ITIH5: variants seen among roughly 807,000 people sequenced by gnomAD.
ITIH5 encodes inter-alpha-trypsin inhibitor heavy chain H5.
Under a neutral mutation model 77.5 loss-of-function variants are expected in ITIH5, and 65 were observed. That is an observed-to-expected ratio of 0.84 (90% CI 0.69 to 1.03). The LOEUF is 1.03. Ranked by LOEUF, ITIH5 falls within the 50% of genes least tolerant of loss-of-function variation. ITIH5 has a pLI of 0.00. For missense variants in ITIH5, 1,208 were observed against 1,213.1 expected (o/e 1.00, Z 0.06); for synonymous variants, 525 against 494.3 (o/e 1.06, Z -0.82).
Position 7,628,467 on chromosome 10 carries a change from C to T in ITIH5, c.652+8761G>A, listed in dbSNP as rs1163837401. 3.9e-5 allele frequency among the ~76,000 whole-genome samples: 6 copies of T among 152,056 alleles called. No individual in the cohort carries two copies. In the South Asian group the frequency reaches 6.2e-4, roughly 16 times the overall value. On this transcript the variant is annotated intron_variant, in intron 5 of 13. Coordinates refer to ENST00000397146, the MANE Select transcript of ITIH5 (RefSeq NM_030569.7). Reference sequence around the variant, plus strand: ...ATGTGTCCGTGTTGTGGCCTGTATCCGTGCTGCGGCATGTGTCTGTGTTAT... The same window carrying T: ...ATGTGTCCGTGTTGTGGCCTGTATCTGTGCTGCGGCATGTGTCTGTGTTAT...
intron 5 of ITIH5, among the ~76,000 whole-genome samples, chr10:7,627,586 T>C (rs1833605132): frequency 6.6e-6 from 1 of 152,154 alleles, no homozygotes. Flanking sequence ...TATTTGAAGA[T>C]TGGCATTTTA....
chr10:7,589,458 C>CA lies in ITIH5; in HGVS notation c.940-3390dup, dbSNP rs919217795. The stretch of plus-strand genomic sequence containing the variant: ...TGGGCGACAGAGCGAGACTCTATCT[C>CA]AAAAAAAAATGAAGGCACTGCAGGA... On this transcript the variant is annotated intron_variant, in intron 7 of 13. Coordinates refer to ENST00000397146, the MANE Select transcript of ITIH5 (RefSeq NM_030569.7). Among the ~76,000 whole-genome samples the CA allele has an allele frequency of 6.8e-4, 102 of 150,338 alleles. 1 individual carries two copies. The highest frequency in any genetic ancestry group is 3.4e-3 in the Middle Eastern group (1 of 294).
At chr10:7,589,645 T>C (rs1243394763) in intron 7 of ITIH5, among the ~76,000 whole-genome samples, 1 of 151,960 alleles carries the variant, frequency 6.6e-6, no homozygotes, top group Non-Finnish European at 1.5e-5. Flanking sequence ...CTCTGTTCTC[T>C]CCTCTGCTAT....
At chr10:7,596,343 C>T (rs911691607) in intron 7 of ITIH5, among the ~76,000 whole-genome samples, 2 of 152,146 alleles carry the variant, frequency 1.3e-5, no homozygotes, top group African/African-American at 4.8e-5. Flanking sequence ...CAAGTAGAAT[C>T]GCGTCTAATA....
At chr10:7,630,782 G>A (rs1234379701) in intron 5 of ITIH5, among the ~76,000 whole-genome samples, 1 of 151,732 alleles carries the variant, frequency 6.6e-6, no homozygotes, top group Non-Finnish European at 1.5e-5. Context: ...TTTTTAGAAT[G>A]TATTTTTTTA....
rs1391629696 is a variant in ITIH5 at position 7,637,389 on chromosome 10, T to C, written c.491A>G (p.Gln164Arg). The C allele has an allele frequency of 1.9e-6, 3 of 1,614,110 alleles. No homozygotes were observed. The African/African-American group carries it at 4.0e-5, about 22-fold the overall frequency. The change falls in exon 5 of 14, where the codon CAG becomes CGG. Residue 164 changes from glutamine to arginine, a missense_variant. Physicochemically the swap from Gln to Arg is conservative, Grantham distance 43. Transcript: ENST00000397146. ...AFFLSYEELL[Q>R]RRLGKYEHSI... is the part of the protein sequence containing the mutation. ...GTGCTCGTACTTGCCCAGGCGCCTC[T>C]GCAGAAGCTCCTCATAACTCAGGAA...
At chr10:7,643,046 A>C (rs1184050519) in intron 2 of ITIH5, among the ~76,000 whole-genome samples, 1 of 152,160 alleles carries the variant, frequency 6.6e-6, no homozygotes, top group East Asian at 1.9e-4. Flanking sequence ...TGAGGTAATG[A>C]AGGTGGGGTC....
intron 7 of ITIH5, among the ~76,000 whole-genome samples, chr10:7,613,573 C>T (rs529320927): frequency 6.6e-6 from 1 of 152,074 alleles, no homozygotes; most frequent in African/African-American, 2.4e-5. Flanking sequence ...TGAAAAAGAA[C>T]TTAAATATTT....
At chr10:7,620,700 TCTC>T (rs1419827821) in intron 5 of ITIH5, 1 of 152,154 alleles carries the variant, frequency 6.6e-6, no homozygotes, top group African/African-American at 2.4e-5. Flanking sequence ...TCTCTGTCCT[TCTC>T]CTTAGGATGA....
chr10:7,607,908 C>T (rs983202927), intron 7 of ITIH5, among the ~76,000 whole-genome samples: 1 of 152,162 alleles, frequency 6.6e-6, no homozygotes, highest in Non-Finnish European at 1.5e-5. Flanking sequence ...TCCAGAAAGC[C>T]AAAAAGGGAA....
chr10:7,666,803 C>T lies in ITIH5; in HGVS notation c.90G>A (p.Gln30=). The change falls in exon 1 of 14, where the codon CAG becomes CAA. Residue 30 remains glutamine (Q), a splice_region_variant and synonymous_variant. Coordinates refer to ENST00000397146, the MANE Select transcript of ITIH5 (RefSeq NM_030569.7). ...EAQSWGHSSE[Q]DGLRVPRQVR... is the part of the protein sequence containing the mutation. ...CCCGGCTCCCCTCGGCTCCACTTAC[C>T]TGCTCCGAAGAGTGGCCCCAGCTCT... is the stretch of plus-strand genomic sequence containing the variant. 1 of 1,605,668 alleles carries T rather than the reference C, an allele frequency of 6.2e-7. No individual in the cohort carries two copies. The highest frequency in any genetic ancestry group is 8.5e-7 in the Non-Finnish European group (1 of 1,176,826).
chr10:7,666,954 C>G lies in ITIH5; in HGVS notation c.-62G>C. On this transcript the variant is annotated 5_prime_UTR_variant, in exon 1 of 14. Coordinates refer to ENST00000397146, the MANE Select transcript of ITIH5 (RefSeq NM_030569.7). Reference sequence around the variant, plus strand: ...GGGACACGCTTTGCAGCGCCCAGGGCTCCAGCCACTGCGGGACGCTCTCGG... The same window carrying G: ...GGGACACGCTTTGCAGCGCCCAGGGGTCCAGCCACTGCGGGACGCTCTCGG... 7.4e-7 allele frequency: 1 copy of G among 1,349,816 alleles called. No individual in the cohort carries two copies. Among genetic ancestry groups the G allele is most frequent in the Non-Finnish European group, 1.0e-6 (1 of 987,040 alleles). 83.6% of individuals were successfully genotyped at this position (1,349,816 alleles called of 1,614,324 possible).
chr10:7,604,113 T>C (rs1346573917), intron 7 of ITIH5, among the ~76,000 whole-genome samples: 1 of 152,190 alleles, frequency 6.6e-6, no homozygotes, highest in African/African-American at 2.4e-5. Context: ...GTTCCTTGAT[T>C]CCATGGTAGT....
chr10:7,610,054 T>C (rs897817780), intron 7 of ITIH5, among the ~76,000 whole-genome samples: 3 of 139,168 alleles, frequency 2.2e-5, no homozygotes, highest in Non-Finnish European at 4.5e-5. Context: ...CCTCCCTTTC[T>C]TTTTTTTCTT....
intron 1 of ITIH5, among the ~76,000 whole-genome samples, chr10:7,658,176 T>G (rs1038482084): frequency 6.6e-6 from 1 of 152,222 alleles, no homozygotes; most frequent in African/African-American, 2.4e-5. Flanking sequence ...GCTGTTACCT[T>G]TGATTGACAT....
intron 7 of ITIH5, among the ~76,000 whole-genome samples, chr10:7,587,583 C>T (rs916343720): frequency 2.6e-5 from 4 of 152,184 alleles, no homozygotes; most frequent in African/African-American, 9.7e-5. Flanking sequence ...CCCAAGTTAC[C>T]CCATCCATAA....
intron 1 of ITIH5, among the ~76,000 whole-genome samples, chr10:7,662,595 T>C (rs1317551928): frequency 6.6e-6 from 1 of 152,218 alleles, no homozygotes; most frequent in African/African-American, 2.4e-5. Flanking sequence ...GCCTTATATG[T>C]GAGCATCCAA....
rs747652915 is a variant in ITIH5, at chr10:7,576,570, T to C, written c.1861A>G (p.Met621Val). The change falls in exon 10 of 14, where the codon ATG becomes GTG. Residue 621 changes from methionine to valine, a missense_variant. Coordinates refer to ENST00000397146, the MANE Select transcript of ITIH5 (RefSeq NM_030569.7). The part of the protein sequence containing the change: ...SYRFLTPFTS[M>V]KLRGPVPRMD... ...CGTGGGACCGGCCCCCTCAGCTTCA[T>C]GGAGGTGAAGGGAGTGAGGAAGCGG... 5 of 1,613,934 alleles carry C rather than the reference T, an allele frequency of 3.1e-6. No individual in the cohort carries two copies. The highest frequency in any genetic ancestry group is 1.7e-5 in the Admixed American group (1 of 60,024).
At chr10:7,598,202 C>T (rs1299799572) in intron 7 of ITIH5, among the ~76,000 whole-genome samples, 3 of 152,262 alleles carry the variant, frequency 2.0e-5, no homozygotes, top group African/African-American at 7.2e-5. Context: ...AAATGAACCA[C>T]ATTATATAAT....
Sources: gnomAD v4.1 joint callset for allele counts (sites outside exome capture counted in the v4.1 genomes callset) on GRCh38, gnomAD v4.1.1 for gene constraint, MANE v1.5 for transcripts, NCBI Gene and HGNC (gene_info 2026-07-23, HGNC 2026-07-21) for gene names.